PDLIM1: variants seen among roughly 807,000 people sequenced by gnomAD.
PDLIM1 encodes PDZ and LIM domain protein 1.
A neutral mutation model predicts 35.2 loss-of-function variants in PDLIM1; 25 were observed. That is an observed-to-expected ratio of 0.71 (90% CI 0.52 to 0.99). PDLIM1 has a LOEUF of 0.99. PDLIM1 is among the 50% of genes least tolerant of loss of function. The pLI is 0.00. For synonymous variants in PDLIM1, 152 were observed against 154.0 expected, an observed-to-expected ratio of 0.99 and a Z score of 0.10; for missense variants, 363 against 415.3, an observed-to-expected ratio of 0.87 and a Z score of 1.09.
At chr10:95,261,011 A>G (rs1194372887) in intron 4 of PDLIM1, among the ~76,000 whole-genome samples, 1 of 152,212 alleles carries the variant, frequency 6.6e-6, no homozygotes, top group Non-Finnish European at 1.5e-5. Context: ...TTCAGCCTCA[A>G]AGAGTGCGGG....
intron 2 of PDLIM1, among the ~76,000 whole-genome samples, chr10:95,270,294 CT>C (rs2035453068): frequency 1.3e-5 from 2 of 151,652 alleles, no homozygotes; most frequent in Non-Finnish European, 2.9e-5. Context: ...TTTTTATATA[CT>C]CCCCCACACT....
In PDLIM1 at chr10:95,250,584, G is replaced by A. The variant is rs79705770; in HGVS notation, c.534-3218C>T. Among the ~76,000 whole-genome samples, 24 of 151,694 alleles carry A rather than the reference G, an allele frequency of 1.6e-4. No individual in the cohort carries two copies. In the East Asian group the frequency reaches 4.4e-3, roughly 28 times the overall value. On this transcript the variant is annotated intron_variant, in intron 4 of 6. Transcript: ENST00000329399. Reference sequence around the variant, plus strand: ...GATGACAAAAATATGAAGGAGAAATGGAGCAAAAAATTTCTCGTTTTTATA... The same window carrying A: ...GATGACAAAAATATGAAGGAGAAATAGAGCAAAAAATTTCTCGTTTTTATA...
chr10:95,289,091 T>C (rs1305439282), intron 1 of PDLIM1, among the ~76,000 whole-genome samples: 1 of 152,246 alleles, frequency 6.6e-6, no homozygotes, highest in Non-Finnish European at 1.5e-5. Context: ...AGGCAGTAAC[T>C]GCCCTTTTAA....
In PDLIM1 at chr10:95,257,444, A is replaced by T. The variant is rs563558554; in HGVS notation, c.533+6420T>A. ...CGTATAATTAATATCCAGAATATAT[A>T]AAAAAAAACTCCTACAACTCAACAA... On this transcript the variant is annotated intron_variant, in intron 4 of 6. Coordinates refer to ENST00000329399, the MANE Select transcript of PDLIM1 (RefSeq NM_020992.4). 4.6e-4 allele frequency among the ~76,000 whole-genome samples: 69 copies of T among 151,418 alleles called. 1 individual carries two copies. The highest frequency in any genetic ancestry group is 1.3e-3 in the African/African-American group (55 of 41,310).
intron 2 of PDLIM1, among the ~76,000 whole-genome samples, chr10:95,270,461 T>C (rs752115832): frequency 1.3e-5 from 2 of 152,132 alleles, no homozygotes; most frequent in Non-Finnish European, 2.9e-5. Flanking sequence ...CTGAATTTGA[T>C]GCAGTAGGAA....
chr10:95,258,777 C>A (rs1394504518), intron 4 of PDLIM1, among the ~76,000 whole-genome samples: 1 of 151,646 alleles, frequency 6.6e-6, no homozygotes, highest in African/African-American at 2.4e-5. Context: ...GTAAACATTA[C>A]AATACACTTA....
intron 4 of PDLIM1, among the ~76,000 whole-genome samples, chr10:95,256,951 G>A (rs1433535215): frequency 1.1e-5 from 1 of 92,320 alleles, no homozygotes. Context: ...CTCCAGCCCA[G>A]GCAACAGAAT....
At chr10:95,243,914 A>T (rs1317384760) in intron 5 of PDLIM1, among the ~76,000 whole-genome samples, 1 of 152,052 alleles carries the variant, frequency 6.6e-6, no homozygotes, top group East Asian at 1.9e-4. Flanking sequence ...AAATTCATAG[A>T]GACAAGCAGG....
intron 3 of PDLIM1, among the ~76,000 whole-genome samples, chr10:95,267,305 A>AC (rs1312599186): frequency 1.3e-5 from 2 of 152,246 alleles, no homozygotes; most frequent in African/African-American, 4.8e-5. Context: ...TTTCAGATAG[A>AC]CCAAGTTAAA....
At chr10:95,256,986 A>AGAAAG (rs1554832102) in intron 4 of PDLIM1, among the ~76,000 whole-genome samples, 15 of 61,650 alleles carry the variant, frequency 2.4e-4, no homozygotes, top group Non-Finnish European at 4.4e-4. Context: ...AAAAAAAAAA[A>AGAAAG]AAAGAAAGAA....
chr10:95,242,016 C>T (rs953815357), intron 5 of PDLIM1, among the ~76,000 whole-genome samples: 5 of 152,214 alleles, frequency 3.3e-5, no homozygotes, highest in Non-Finnish European at 1.5e-5. Context: ...ATGGCTCAGA[C>T]TTAGGCTTCC....
chr10:95,247,330 G>T lies in PDLIM1; in HGVS notation c.570C>A (p.Ile190=), dbSNP rs754980043. The part of the protein sequence containing the change: ...DHAQPPSSLV[I]DKESEVYKML... ...TCTTGTAAACTTCAGATTCTTTGTCGATGACAAGGCTGCTTGGAGGCTGAG... is the reference window on the plus strand; with the variant it reads ...TCTTGTAAACTTCAGATTCTTTGTCTATGACAAGGCTGCTTGGAGGCTGAG... Residue 190 remains isoleucine, a synonymous_variant, in exon 5 of 7, where the codon ATC becomes ATA. Transcript: ENST00000329399. 1 of 1,613,750 alleles carries T rather than the reference G, an allele frequency of 6.2e-7. No individual in the cohort carries two copies. Among genetic ancestry groups the T allele is most frequent in the East Asian group, 2.2e-5 (1 of 44,886 alleles).
chr10:95,254,368 C>A (rs558584446), intron 4 of PDLIM1, among the ~76,000 whole-genome samples: 6 of 152,142 alleles, frequency 3.9e-5, no homozygotes, highest in African/African-American at 1.2e-4. Flanking sequence ...GATAAGTATA[C>A]CTCTGAACAA....
rs143268034 is a variant in PDLIM1, at chr10:95,242,172, C to T, written c.686-3487G>A. 1.8e-3 allele frequency among the ~76,000 whole-genome samples: 275 copies of T among 152,200 alleles called. 2 individuals are homozygous for T. The highest frequency in any genetic ancestry group is 3.1e-3 in the Admixed American group (48 of 15,290). ...TGGGCTTGGGGAAGACTCAGTTCTG[C>T]CCCACCAGCAGGTGCATAAGGAGAA... On this transcript the variant is annotated intron_variant, in intron 5 of 6. Transcript: ENST00000329399.
At chr10:95,255,324 TAA>T (rs56689408) in intron 4 of PDLIM1, among the ~76,000 whole-genome samples, 2 of 102,882 alleles carry the variant, frequency 1.9e-5, no homozygotes, top group African/African-American at 4.0e-5. Flanking sequence ...CCAAAGATAC[TAA>T]AAAAAAAAAA....
intron 4 of PDLIM1, among the ~76,000 whole-genome samples, chr10:95,257,919 G>C (rs994455738): frequency 6.6e-6 from 1 of 152,170 alleles, no homozygotes; most frequent in African/African-American, 2.4e-5. Context: ...ATGTGTATTC[G>C]TGTGTTTTCA....
intron 1 of PDLIM1, chr10:95,273,521 G>C (rs1379276026): frequency 6.6e-6 from 1 of 152,236 alleles, no homozygotes; most frequent in Non-Finnish European, 1.5e-5. Context: ...GGTCCCTTCT[G>C]GCCCGCACAT....
chr10:95,248,406 C>T (rs1649733738), intron 4 of PDLIM1, among the ~76,000 whole-genome samples: 1 of 152,132 alleles, frequency 6.6e-6, no homozygotes, highest in African/African-American at 2.4e-5. Flanking sequence ...GCCACCATCC[C>T]CCGCTGATTT....
intron 1 of PDLIM1, among the ~76,000 whole-genome samples, chr10:95,275,881 T>C (rs1036206030): frequency 1.3e-5 from 2 of 151,096 alleles, no homozygotes; most frequent in Non-Finnish European, 1.5e-5. Flanking sequence ...TCTTTCAGTA[T>C]AATTTCTTTG....
Sources: allele counts gnomAD v4.1 joint callset (sites outside exome capture counted in the v4.1 genomes callset), GRCh38; gene constraint gnomAD v4.1.1; transcripts MANE v1.5; gene names NCBI Gene and HGNC (gene_info 2026-07-23, HGNC 2026-07-21).